Variants in ZNF616 observed in about 807,000 individuals in gnomAD.
ZNF616 encodes the protein zinc finger protein 616.
Under a neutral mutation model 7.6 loss-of-function variants are expected in ZNF616, and 5 were observed. That is an observed-to-expected ratio of 0.66 (90% CI 0.34 to 1.38). ZNF616 has a LOEUF of 1.38. ZNF616 is among the 40% of genes most tolerant of loss of function. The pLI, the probability that ZNF616 is intolerant of heterozygous loss-of-function variation, is 0.04. For missense variants in ZNF616, 913 were observed against 948.3 expected (o/e 0.96, Z 0.49); for synonymous variants, 319 against 317.2 (o/e 1.01, Z -0.06).
Position 52,115,921 on chromosome 19 carries a change from C to A in ZNF616, c.1243G>T (p.Gly415Cys). 6.2e-7 allele frequency: 1 copy of A among 1,614,180 alleles called. No homozygotes were observed. The highest frequency in any genetic ancestry group is 8.5e-7 in the Non-Finnish European group (1 of 1,180,032). Residue 415 changes from glycine (G) to cysteine (C), a missense_variant, in exon 4 of 4, where the codon GGC (glycine) becomes TGC (cysteine). Physicochemically the swap from Gly to Cys is radical, Grantham distance 159 (BLOSUM62 -3). Coordinates refer to ENST00000600228, the MANE Select transcript of ZNF616 (RefSeq NM_178523.5). ...VEKPCKCNEC[G>C]KVFSKRSSLA... is the part of the protein sequence containing the mutation. ...CTTGAACGTTTACTGAAGACCTTGC[C>A]ACATTCATTGCATTTGCAAGGTTTC... is the stretch of plus-strand genomic sequence containing the variant.
intron 3 of ZNF616, among the ~76,000 whole-genome samples, chr19:52,120,531 A>G (rs964291029): frequency 6.6e-6 from 1 of 152,202 alleles, no homozygotes; most frequent in South Asian, 2.1e-4. Context: ...GGCTGAATGA[A>G]TTTTAAAAAC....
At chr19:52,131,559 C>A (rs189824019) in intron 1 of ZNF616, among the ~76,000 whole-genome samples, 5 of 152,254 alleles carry the variant, frequency 3.3e-5, no homozygotes, top group Non-Finnish European at 7.3e-5. Context: ...TATGGACCTG[C>A]CTTTATTGGC....
Position 52,116,125 on chromosome 19 carries a change from G to A in ZNF616, c.1039C>T (p.His347Tyr), listed in dbSNP as rs770544438. The change falls in exon 4 of 4, where the codon CAT becomes TAT. Residue 347 changes from histidine (H) to tyrosine (Y), a missense_variant. Coordinates refer to ENST00000600228, the MANE Select transcript of ZNF616 (RefSeq NM_178523.5). The part of the protein sequence containing the change: ...SSNLTVHQVI[H>Y]AGKKPYKCDV... Reference sequence around the variant, plus strand: ...CATTTATATGGTTTCTTTCCTGCATGGATTACCTGATGTACAGTGAGGTTT... The same window carrying A: ...CATTTATATGGTTTCTTTCCTGCATAGATTACCTGATGTACAGTGAGGTTT... 1.9e-6 allele frequency: 3 copies of A among 1,614,106 alleles called. No homozygotes were observed. Among genetic ancestry groups the A allele is most frequent in the Non-Finnish European group, 2.5e-6 (3 of 1,180,026 alleles).
intron 1 of ZNF616, among the ~76,000 whole-genome samples, chr19:52,134,046 C>T (rs559596935): frequency 6.6e-5 from 10 of 152,204 alleles, no homozygotes; most frequent in Admixed American, 5.2e-4. Context: ...CCTGGCCAAG[C>T]GCATTATTTT....
rs1600120320 is a variant in ZNF616 at position 52,115,558 on chromosome 19, A to G, written c.1606T>C (p.Phe536Leu). The G allele has an allele frequency of 1.3e-6, 2 of 1,597,760 alleles. No homozygotes were observed. The highest frequency in any genetic ancestry group is 1.4e-5 in the African/African-American group (1 of 69,196). Reference protein sequence around the residue: ...CGKVFSDRSAFARHRRIHTGE... With the variant: ...CGKVFSDRSALARHRRIHTGE... ...GTATGAATTCTCCGATGCCTTGCAA[A>G]AGCTGAACGGTCACTGAAGACCTTG... The change falls in exon 4 of 4, where the codon TTT becomes CTT. Residue 536 changes from phenylalanine to leucine, a missense_variant. Phe to Leu is a conservative substitution (Grantham distance 22). Coordinates refer to ENST00000600228, the MANE Select transcript of ZNF616 (RefSeq NM_178523.5).
intron 1 of ZNF616, among the ~76,000 whole-genome samples, chr19:52,134,784 G>A (rs77883414): frequency 6.6e-6 from 1 of 152,122 alleles, no homozygotes; most frequent in Non-Finnish European, 1.5e-5. Context: ...ATTCTCCAAA[G>A]AGCATTACCC....
chr19:52,132,181 T>C (rs59541557), intron 1 of ZNF616, among the ~76,000 whole-genome samples: 14,546 of 152,234 alleles, frequency 0.096, 890 homozygotes, highest in South Asian at 0.28. Flanking sequence ...CTATTTCAAA[T>C]ATATCCTGAC....
At chr19:52,134,953 G>T (rs1289985494) in intron 1 of ZNF616, among the ~76,000 whole-genome samples, 1 of 152,142 alleles carries the variant, frequency 6.6e-6, no homozygotes, top group African/African-American at 2.4e-5. Flanking sequence ...TGTCCTGGCA[G>T]CGAGAAAGTA....
intron 2 of ZNF616, among the ~76,000 whole-genome samples, chr19:52,127,269 G>C (rs897895300): frequency 1.3e-5 from 2 of 152,142 alleles, no homozygotes; most frequent in Non-Finnish European, 2.9e-5. Context: ...TGGCCAGGCT[G>C]GTCTTGAACT....
chr19:52,121,782 T>G (rs1178494412), intron 3 of ZNF616, among the ~76,000 whole-genome samples: 3 of 152,156 alleles, frequency 2.0e-5, no homozygotes, highest in Non-Finnish European at 2.9e-5. Flanking sequence ...TGGACCCCTA[T>G]CTCTCATCAT....
At position 52,116,531 on chromosome 19, in the gene ZNF616, T is replaced by C; in HGVS notation, c.633A>G (p.Lys211=). 1 of 1,614,120 alleles carries C rather than the reference T, an allele frequency of 6.2e-7. No homozygotes were observed. The highest frequency in any genetic ancestry group is 8.5e-7 in the Non-Finnish European group (1 of 1,180,032). The change falls in exon 4 of 4, where the codon AAA becomes AAG. Residue 211 remains lysine, a synonymous_variant. Coordinates refer to ENST00000600228, the MANE Select transcript of ZNF616 (RefSeq NM_178523.5). ...TGCCACACTCATTGCATTTGTAAGGTTTCTCTGTAGTATGTATCCTCTGAT... is the reference window on the plus strand; with the variant it reads ...TGCCACACTCATTGCATTTGTAAGGCTTCTCTGTAGTATGTATCCTCTGAT... ...INHQRIHTTE[K]PYKCNECGKA...
chr19:52,137,510 G>A (rs1445081366), intron 1 of ZNF616, among the ~76,000 whole-genome samples: 2 of 152,126 alleles, frequency 1.3e-5, no homozygotes, highest in African/African-American at 4.8e-5. Flanking sequence ...TATGCTGGGC[G>A]ATATAAGACT....
intron 3 of ZNF616, among the ~76,000 whole-genome samples, chr19:52,122,056 G>A (rs974974688): frequency 7.3e-5 from 11 of 149,862 alleles, no homozygotes; most frequent in Non-Finnish European, 1.5e-4. Flanking sequence ...TGATGGACTT[G>A]AAAGCAGACA....
intron 1 of ZNF616, among the ~76,000 whole-genome samples, chr19:52,132,399 T>A (rs537988438): frequency 1.9e-3 from 285 of 152,174 alleles, no homozygotes; most frequent in African/African-American, 6.6e-3. Context: ...TGGAGACGTG[T>A]AGGTGAGTAG....
chr19:52,133,537 G>A (rs2088979568), intron 1 of ZNF616, among the ~76,000 whole-genome samples: 1 of 152,084 alleles, frequency 6.6e-6, no homozygotes, highest in South Asian at 2.1e-4. Context: ...GTGTGTGTGT[G>A]AGACAGAGTC....
chr19:52,116,882 T>C lies in ZNF616; in HGVS notation c.282A>G (p.Leu94=), dbSNP rs2088830762. 1 of 1,614,050 alleles carries C rather than the reference T, an allele frequency of 6.2e-7. No homozygotes were observed. Among genetic ancestry groups the C allele is most frequent in the Non-Finnish European group, 8.5e-7 (1 of 1,179,966 alleles). The change falls in exon 4 of 4, where the codon CTA becomes CTG. Residue 94 remains leucine (L), a synonymous_variant. Coordinates refer to ENST00000600228, the MANE Select transcript of ZNF616 (RefSeq NM_178523.5). ...CTTTCCATTGAAATTCAAGGTCATG[T>C]AGATGTTTCTGTATTTCCCTGAAGT... ...NLYFREIQKH[L]HDLEFQWKDG...
intron 1 of ZNF616, among the ~76,000 whole-genome samples, chr19:52,132,039 G>A (rs949456495): frequency 1.3e-5 from 2 of 152,156 alleles, no homozygotes; most frequent in African/African-American, 2.4e-5. Context: ...AGGTAGGGAC[G>A]AGGTCTTCAA....
intron 3 of ZNF616, among the ~76,000 whole-genome samples, chr19:52,118,831 G>A (rs1424724019): frequency 6.6e-6 from 1 of 152,100 alleles, no homozygotes; most frequent in Non-Finnish European, 1.5e-5. Flanking sequence ...AAAGTCTTGA[G>A]GTAAATTACC....
chr19:52,114,531 TC>T lies in ZNF616; in HGVS notation c.*286del. ...ATCATGGTGGAAGGCAAAGCGGGTG[TC>T]GGTATTTCACATGGTGAGAATGAGG... On this transcript the variant is annotated 3_prime_UTR_variant, in exon 4 of 4. Transcript: ENST00000600228. The T allele has an allele frequency of 3.5e-6, 1 of 288,216 alleles. No individual in the cohort carries two copies. Among genetic ancestry groups the T allele is most frequent in the Non-Finnish European group, 6.5e-6 (1 of 154,736 alleles). 17.9% of individuals were successfully genotyped at this position (288,216 alleles called of 1,614,324 possible). A position where few individuals can be genotyped will look rare whatever the true frequency, so the allele number is the denominator to read the frequency against.
Sources: gnomAD v4.1 joint callset for allele counts (sites outside exome capture counted in the v4.1 genomes callset) on GRCh38, gnomAD v4.1.1 for gene constraint, MANE v1.5 for transcripts, NCBI Gene and HGNC (gene_info 2026-07-23, HGNC 2026-07-21) for gene names.